Variants in DNAH8 observed in about 807,000 individuals in gnomAD.
DNAH8 encodes dynein axonemal heavy chain 8, also known as axonemal beta dynein heavy chain 8.
In DNAH8, 382 loss-of-function variants were observed where a neutral mutation model predicts 562.1. The ratio of observed to expected loss-of-function variants is 0.68; its 90% CI spans 0.63 to 0.74. DNAH8 has a LOEUF of 0.74. Among genes scored for constraint, DNAH8 ranks in the 30% least tolerant of loss-of-function variants. The pLI, the probability that DNAH8 is intolerant of heterozygous loss-of-function variation, is 0.00. For synonymous variants in DNAH8, 1,881 were observed against 1,919.4 expected (o/e 0.98, Z 0.52); for missense variants, 5,203 against 5,620.4 (o/e 0.93, Z 2.37).
intron 3 of DNAH8, among the ~76,000 whole-genome samples, chr6:38,727,200 G>T (rs1415712740): frequency 6.6e-6 from 1 of 152,156 alleles, no homozygotes; most frequent in East Asian, 1.9e-4. Context: ...ATGCAATCCA[G>T]GATGAAAGCA....
At chr6:38,726,827 G>A (rs1763256348) in intron 3 of DNAH8, among the ~76,000 whole-genome samples, 1 of 151,370 alleles carries the variant, frequency 6.6e-6, no homozygotes, top group Admixed American at 6.6e-5. Context: ...AGGAAATTGG[G>A]GGTATATGGA....
At chr6:38,868,513 T>G (rs1291085581) in intron 48 of DNAH8, among the ~76,000 whole-genome samples, 2 of 152,202 alleles carry the variant, frequency 1.3e-5, no homozygotes, top group Non-Finnish European at 2.9e-5. Flanking sequence ...AGAATCTGGA[T>G]TCACAGGGAA....
chr6:38,964,529 T>C lies in DNAH8; in HGVS notation c.12452-7063T>C, dbSNP rs76199236. ...ATCCAAACTATTCTCCATGTATGAA[T>C]TCCTCCTAAGAACATATTGAGAGAC... is the stretch of plus-strand genomic sequence containing the variant. On this transcript the variant is annotated intron_variant, in intron 82 of 92. Coordinates refer to ENST00000327475, the MANE Select transcript of DNAH8 (RefSeq NM_001206927.2). Among the ~76,000 whole-genome samples, 1,315 of 151,364 alleles carry C rather than the reference T, an allele frequency of 8.7e-3. 15 individuals carry two copies. Among genetic ancestry groups the C allele is most frequent in the African/African-American group, 0.029 (1,206 of 41,170 alleles).
chr6:38,817,480 C>T (rs1772390366), intron 26 of DNAH8, among the ~76,000 whole-genome samples: 2 of 152,146 alleles, frequency 1.3e-5, no homozygotes, highest in Non-Finnish European at 2.9e-5. Flanking sequence ...GGGGTGTTCC[C>T]TACAACCAGC....
intron 31 of DNAH8, among the ~76,000 whole-genome samples, chr6:38,833,391 A>G (rs1774011736): frequency 6.6e-6 from 1 of 151,890 alleles, no homozygotes; most frequent in African/African-American, 2.4e-5. Context: ...AACATGTACT[A>G]AACATATCTG....
rs1471329869 is a variant in DNAH8, at chr6:38,906,120, G to T, written c.9195-134G>T. ...GATGGGGTTTCACCATGTTGGTCAG[G>T]ATGGTCTCGATCTCCTGACCTCGTG... On this transcript the variant is annotated intron_variant, in intron 62 of 92. Transcript: ENST00000327475. 10 of 458,112 alleles carry T rather than the reference G, an allele frequency of 2.2e-5. No individual in the cohort carries two copies. In the East Asian group the frequency reaches 3.3e-4, roughly 15 times the overall value. 28.4% of individuals were successfully genotyped at this position (458,112 alleles called of 1,614,324 possible). A position where few individuals can be genotyped will look rare whatever the true frequency, so the allele number is the denominator to read the frequency against.
chr6:38,760,816 G>A (rs1766419377), intron 10 of DNAH8, among the ~76,000 whole-genome samples: 2 of 152,118 alleles, frequency 1.3e-5, no homozygotes, highest in Admixed American at 6.5e-5. Flanking sequence ...TACCATGATT[G>A]TAAGCTTCCT....
intron 91 of DNAH8, among the ~76,000 whole-genome samples, chr6:39,023,014 A>G (rs4573077): frequency 0.13 from 20,237 of 152,184 alleles, 1,609 homozygotes; most frequent in East Asian, 0.34. Flanking sequence ...CATGTAACTC[A>G]GATGTTTAAA....
chr6:38,894,894 T>TA (rs1177580833), intron 59 of DNAH8, 30 bp downstream of exon 59: 1 of 1,594,054 alleles, frequency 6.3e-7, no homozygotes, highest in East Asian at 2.2e-5. Context: ...AGTTTAAATG[T>TA]ATGACCTGAG....
rs114915672 is a variant in DNAH8, at chr6:38,957,448, T to C, written c.12451+5928T>C. Among the ~76,000 whole-genome samples the C allele has an allele frequency of 4.2e-3, 638 of 151,884 alleles. 5 individuals are homozygous for C. The highest frequency in any genetic ancestry group is 0.014 in the African/African-American group (589 of 41,510). The stretch of plus-strand genomic sequence containing the variant: ...CAGATAGAAAATCAATAAAGAAACA[T>C]TAGAGTTAAACCATACTCTAAATCA... On this transcript the variant is annotated intron_variant, in intron 82 of 92. Transcript: ENST00000327475.
chr6:38,938,726 ACCC>A lies in DNAH8; in HGVS notation c.11817-70_11817-68del, dbSNP rs1783184510. 9 of 1,030,564 alleles carry A rather than the reference ACCC, an allele frequency of 8.7e-6. No homozygotes were observed. The East Asian group carries it at 2.2e-4, about 26-fold the overall frequency. 63.8% of individuals were successfully genotyped at this position (1,030,564 alleles called of 1,614,324 possible). The stretch of plus-strand genomic sequence containing the variant: ...TACCGACGTACAAACCTTCATGTGT[ACCC>A]CTGAACTTGAAAGTTTTTTAAAAAA... On this transcript the variant is annotated intron_variant, in intron 78 of 92. Transcript: ENST00000327475.
intron 28 of DNAH8, among the ~76,000 whole-genome samples, chr6:38,825,476 C>G (rs534247191): frequency 6.6e-6 from 1 of 152,226 alleles, no homozygotes; most frequent in Admixed American, 6.5e-5. Flanking sequence ...TGCAACTGAG[C>G]CTTCAGAATA....
In DNAH8 at chr6:38,863,859, G is replaced by T; in HGVS notation, c.6311-14G>T. The T allele has an allele frequency of 6.4e-7, 1 of 1,569,888 alleles. No homozygotes were observed. Among genetic ancestry groups the T allele is most frequent in the Admixed American group, 2.2e-5 (1 of 45,508 alleles). On this transcript the variant is annotated splice_polypyrimidine_tract_variant and intron_variant, in intron 44 of 92. Coordinates refer to ENST00000327475, the MANE Select transcript of DNAH8 (RefSeq NM_001206927.2). ...TAGAGTAAAACTTTACAAATTAACT[G>T]TTTTTCATGCCAGGTCTTGCACAGT... is the stretch of plus-strand genomic sequence containing the variant.
chr6:38,984,624 C>T (rs1397871612), intron 87 of DNAH8, among the ~76,000 whole-genome samples: 1 of 152,090 alleles, frequency 6.6e-6, no homozygotes, highest in Admixed American at 6.5e-5. Context: ...AACCCCGTAT[C>T]TACTAAAAAT....
At chr6:38,816,259 C>G (rs1772265266) in intron 26 of DNAH8, among the ~76,000 whole-genome samples, 1 of 152,026 alleles carries the variant, frequency 6.6e-6, no homozygotes, top group Non-Finnish European at 1.5e-5. Context: ...CCAACAGGCT[C>G]CAGTATGTGT....
At chr6:38,825,057 C>T (rs924165985) in intron 28 of DNAH8, among the ~76,000 whole-genome samples, 1 of 152,056 alleles carries the variant, frequency 6.6e-6, no homozygotes, top group African/African-American at 2.4e-5. Flanking sequence ...AGACAGAGTG[C>T]GCTGGGGAGC....
chr6:38,954,008 A>C (rs1762088318), intron 82 of DNAH8, among the ~76,000 whole-genome samples: 1 of 152,162 alleles, frequency 6.6e-6, no homozygotes, highest in Non-Finnish European at 1.5e-5. Context: ...GAATGAATTA[A>C]CCAGCTACCC....
intron 33 of DNAH8, among the ~76,000 whole-genome samples, chr6:38,841,744 A>G (rs1222858556): frequency 6.6e-6 from 1 of 151,044 alleles, no homozygotes; most frequent in Non-Finnish European, 1.5e-5. Flanking sequence ...TTTGGATAGG[A>G]TCTTGTTCTG....
At chr6:38,793,556 T>A (rs1005067354) in intron 21 of DNAH8, among the ~76,000 whole-genome samples, 1 of 152,242 alleles carries the variant, frequency 6.6e-6, no homozygotes, top group Non-Finnish European at 1.5e-5. Flanking sequence ...GTAAAGAACA[T>A]TTAACTGTGT....
Sources: allele counts gnomAD v4.1 joint callset (sites outside exome capture counted in the v4.1 genomes callset), GRCh38; gene constraint gnomAD v4.1.1; transcripts MANE v1.5; gene names NCBI Gene and HGNC (gene_info 2026-07-23, HGNC 2026-07-21).